Variants in YARS1 observed in about 807,000 individuals in gnomAD.
YARS1 encodes tyrosine--tRNA ligase, cytoplasmic.
Under a neutral mutation model 62.2 loss-of-function variants are expected in YARS1, and 36 were observed. The ratio of observed to expected loss-of-function variants is 0.58; its 90% CI spans 0.44 to 0.76. The LOEUF is 0.76. YARS1 is among the 30% of genes least tolerant of loss of function. The probability of loss-of-function intolerance (pLI) is 0.00; values close to 1 mark genes in which losing one functional copy is unlikely to be tolerated. For missense variants in YARS1, 524 were observed against 639.8 expected (o/e 0.82, Z 1.95); for synonymous variants, 234 against 244.9 (o/e 0.96, Z 0.42).
rs1447213750 is a variant in YARS1, at chr1:32,797,007, T to A, written c.591+756A>T. ...AAAAAAAAAAAAAAATATATATATA[T>A]ATATATATATATATATATATATATA... is the stretch of plus-strand genomic sequence containing the variant. On this transcript the variant is annotated intron_variant, in intron 5 of 12. Coordinates refer to ENST00000373477, the MANE Select transcript of YARS1 (RefSeq NM_003680.4). Among the ~76,000 whole-genome samples, 23 of 6,470 alleles carry A rather than the reference T, an allele frequency of 3.6e-3. 1 individual carries two copies. The highest frequency in any genetic ancestry group is 0.012 in the South Asian group (1 of 86). The allele number at this position is 6,470 out of a possible 152,430, so 4.2% of individuals were successfully genotyped here.
At chr1:32,784,057 T>C (rs988350799) in intron 8 of YARS1, among the ~76,000 whole-genome samples, 3 of 151,272 alleles carry the variant, frequency 2.0e-5, no homozygotes, top group African/African-American at 7.3e-5. Flanking sequence ...CCAGCTGGAG[T>C]ACAGTGGCGC....
chr1:32,817,292 T>C lies in YARS1; in HGVS notation c.-48A>G. The stretch of plus-strand genomic sequence containing the variant: ...CCGCTCAGCCCGGCACCAGAGCCCC[T>C]TCCTGGGTCACCGTCGCCGCCGCGT... On this transcript the variant is annotated 5_prime_UTR_variant, in exon 1 of 13. Coordinates refer to ENST00000373477, the MANE Select transcript of YARS1 (RefSeq NM_003680.4). 1.2e-6 allele frequency: 2 copies of C among 1,610,106 alleles called. No individual in the cohort carries two copies. The highest frequency in any genetic ancestry group is 1.7e-6 in the Non-Finnish European group (2 of 1,177,816).
chr1:32,779,757 G>T (rs1652991974), intron 11 of YARS1: 1 of 629,382 alleles, frequency 1.6e-6, no homozygotes, highest in Middle Eastern at 4.3e-4. Flanking sequence ...TGTTTCTAGG[G>T]GAGGAAGTAT....
At chr1:32,802,236 C>T (rs1353450688) in intron 4 of YARS1, among the ~76,000 whole-genome samples, 5 of 152,044 alleles carry the variant, frequency 3.3e-5, no homozygotes, top group African/African-American at 1.2e-4. Flanking sequence ...CGTGAGCCAC[C>T]GCGCCCGGCC....
intron 3 of YARS1, among the ~76,000 whole-genome samples, chr1:32,808,827 T>G (rs912790419): frequency 6.6e-6 from 1 of 152,232 alleles, no homozygotes; most frequent in African/African-American, 2.4e-5. Flanking sequence ...CCTGCTTTGT[T>G]TCAGCTATCG....
At position 32,776,088 on chromosome 1, in the gene YARS1, C is replaced by A; in HGVS notation, c.1480G>T (p.Asp494Tyr). 1 of 1,613,128 alleles carries A rather than the reference C, an allele frequency of 6.2e-7. No homozygotes were observed. The highest frequency in any genetic ancestry group is 8.5e-7 in the Non-Finnish European group (1 of 1,179,290). ...ATGCACTCCTCAGAAATTTTGAAGTCAGCCTGGACAAGACAGATAAGAGAG... is the reference window on the plus strand; with the variant it reads ...ATGCACTCCTCAGAAATTTTGAAGTAAGCCTGGACAAGACAGATAAGAGAG... ...KKKVFEKLQA[D>Y]FKISEECIAQ... The change falls in exon 13 of 13, where the codon GAC becomes TAC. Residue 494 changes from aspartate (D) to tyrosine (Y), a missense_variant. Transcript: ENST00000373477. This position sits in a 1 kb window ranked among gnomAD's most constrained non-coding sequence, Gnocchi z 4.0.
At chr1:32,791,448 C>T (rs887762963) in intron 5 of YARS1, among the ~76,000 whole-genome samples, 194 bp from the exon 6 acceptor site, 4 of 152,112 alleles carry the variant, frequency 2.6e-5, no homozygotes, top group Admixed American at 1.3e-4. Flanking sequence ...ATCAGTATTA[C>T]ATTGTGAGGC....
intron 3 of YARS1, among the ~76,000 whole-genome samples, chr1:32,807,149 C>G (rs999337720): frequency 6.6e-6 from 1 of 152,160 alleles, no homozygotes; most frequent in Non-Finnish European, 1.5e-5. Context: ...ACAGACAGAC[C>G]CTGCATTCTC....
At position 32,815,238 on chromosome 1, in the gene YARS1, A is replaced by G. The variant is rs969616602; in HGVS notation, c.57+1950T>C. ...GTGGTGCACGTCTGTAATCCCAGCT[A>G]CTCAGGAGGCTGAGGCAGGAGAATC... On this transcript the variant is annotated intron_variant, in intron 1 of 12. Transcript: ENST00000373477. 9.2e-5 allele frequency among the ~76,000 whole-genome samples: 14 copies of G among 152,064 alleles called. 1 individual carries two copies. Among genetic ancestry groups the G allele is most frequent in the African/African-American group, 2.9e-4 (12 of 41,374 alleles).
chr1:32,816,202 T>G (rs1638726099), intron 1 of YARS1, among the ~76,000 whole-genome samples: 1 of 151,976 alleles, frequency 6.6e-6, no homozygotes, highest in Non-Finnish European at 1.5e-5. Flanking sequence ...AAGGGTGAAT[T>G]TTATAGTATG....
rs771657997 is a variant in YARS1 at position 32,810,762 on chromosome 1, G to A, written c.209C>T (p.Thr70Ile). ...ADFLKAGCEV[T>I]ILFADLHAYL... is the part of the protein sequence containing the mutation. ...TGCGTGGAGGTCCGCAAACAGAATTGTTACCTGGACAAGAGATAAGGGGCC... is the reference window on the plus strand; with the variant it reads ...TGCGTGGAGGTCCGCAAACAGAATTATTACCTGGACAAGAGATAAGGGGCC... The change falls in exon 3 of 13, where the codon ACA (threonine) becomes ATA (isoleucine). Residue 70 changes from threonine (T) to isoleucine (I), a missense_variant. By Grantham distance (89) the Thr-to-Ile change is moderately conservative (BLOSUM62 -1). Coordinates refer to ENST00000373477, the MANE Select transcript of YARS1 (RefSeq NM_003680.4). The A allele has an allele frequency of 8.1e-6, 13 of 1,614,004 alleles. No homozygotes were observed. Among genetic ancestry groups the A allele is most frequent in the Non-Finnish European group, 1.1e-5 (13 of 1,180,038 alleles).
chr1:32,814,433 C>G (rs967787550), intron 1 of YARS1, among the ~76,000 whole-genome samples: 2 of 152,166 alleles, frequency 1.3e-5, no homozygotes, highest in Non-Finnish European at 2.9e-5. Context: ...CTCTGTCACC[C>G]AAGCTGGAGT....
In YARS1 at chr1:32,776,794, G is replaced by A. The variant is rs1189163168; in HGVS notation, c.1477-703C>T. On this transcript the variant is annotated intron_variant, in intron 12 of 12. Coordinates refer to ENST00000373477, the MANE Select transcript of YARS1 (RefSeq NM_003680.4). The surrounding 1 kb of genome is among the most constrained non-coding windows in gnomAD (Gnocchi z 4.0). Reference sequence around the variant, plus strand: ...ATCCTGGCTAATACAGTGAAACCCCGTCTCTACTAAAATTACAAAAAATTA... The same window carrying A: ...ATCCTGGCTAATACAGTGAAACCCCATCTCTACTAAAATTACAAAAAATTA... 6.6e-6 allele frequency among the ~76,000 whole-genome samples: 1 copy of A among 151,904 alleles called. No individual in the cohort carries two copies. Among genetic ancestry groups the A allele is most frequent in the South Asian group, 2.1e-4 (1 of 4,812 alleles).
At chr1:32,802,695 T>C (rs2148612679) in intron 4 of YARS1, among the ~76,000 whole-genome samples, 1 of 152,324 alleles carries the variant, frequency 6.6e-6, no homozygotes, top group East Asian at 1.9e-4. Context: ...AAAGAATCTT[T>C]CTTTTTGAGG....
intron 4 of YARS1, chr1:32,798,288 T>G: frequency 4.5e-6 from 1 of 223,518 alleles, no homozygotes; most frequent in Non-Finnish European, 9.0e-6. Flanking sequence ...GCTTCCCTCT[T>G]GGCCTCAAAA....
Position 32,780,091 on chromosome 1 carries a change from G to A in YARS1, c.1328C>T (p.Ala443Val), listed in dbSNP as rs1391695523. The change falls in exon 11 of 13, where the codon GCT (alanine) becomes GTT (valine). Residue 443 changes from alanine (A) to valine (V), a missense_variant. Transcript: ENST00000373477. ...GVESQGMLLC[A>V]SIEGINRQVE... is the part of the protein sequence containing the mutation. The stretch of plus-strand genomic sequence containing the variant: ...ACTCCAAGTCCTCACTCACATAGAA[G>A]CACACAGAAGCATGCCTTGGGACTC... 1 of 1,613,946 alleles carries A rather than the reference G, an allele frequency of 6.2e-7. No individual in the cohort carries two copies. The highest frequency in any genetic ancestry group is 8.5e-7 in the Non-Finnish European group (1 of 1,180,026).
chr1:32,794,252 G>A (rs1327283092), intron 5 of YARS1, among the ~76,000 whole-genome samples: 1 of 151,974 alleles, frequency 6.6e-6, no homozygotes, highest in Non-Finnish European at 1.5e-5. Context: ...CAGTAGGCTG[G>A]GGCACGAGAA....
At position 32,780,830 on chromosome 1, in the gene YARS1, C is replaced by T. The variant is rs570547903; in HGVS notation, c.1140+218G>A. ...AAACAAGTTCCCTCTGACTAACATCCGTCCCCCATGCTGAGTTCCTGGCTG... is the reference window on the plus strand; with the variant it reads ...AAACAAGTTCCCTCTGACTAACATCTGTCCCCCATGCTGAGTTCCTGGCTG... On this transcript the variant is annotated intron_variant, in intron 10 of 12. Coordinates refer to ENST00000373477, the MANE Select transcript of YARS1 (RefSeq NM_003680.4). The T allele has an allele frequency of 7.3e-5, 44 of 606,468 alleles. 1 individual carries two copies. The highest frequency in any genetic ancestry group is 7.2e-4 in the Admixed American group (29 of 40,518). 37.6% of individuals were successfully genotyped at this position (606,468 alleles called of 1,614,324 possible). A position where few individuals can be genotyped will look rare whatever the true frequency, so the allele number is the denominator to read the frequency against.
intron 5 of YARS1, among the ~76,000 whole-genome samples, chr1:32,794,981 T>TC: frequency 1.1e-5 from 1 of 94,298 alleles, no homozygotes. Flanking sequence ...TCCAGCCTGG[T>TC]GACAGAGCAA....
Sources: gnomAD v4.1 joint callset for allele counts (sites outside exome capture counted in the v4.1 genomes callset) on GRCh38, gnomAD v4.1.1 for gene constraint, Gnocchi (gnomAD v3.1) non-coding constraint, MANE v1.5 for transcripts, NCBI Gene and HGNC (gene_info 2026-07-23, HGNC 2026-07-21) for gene names.